The following ADAM22 variants were observed in gnomAD, a reference collection of about 807,000 sequenced individuals.
The protein encoded by ADAM22 is ADAM metallopeptidase domain 22, also known as disintegrin and metalloproteinase domain-containing protein 22.
Under a neutral mutation model 144.6 loss-of-function variants are expected in ADAM22, and 65 were observed. The ratio of observed to expected loss-of-function variants is 0.45; its 90% confidence interval spans 0.37 to 0.55. ADAM22 has a LOEUF of 0.55. Ranked by LOEUF, ADAM22 falls within the 20% of genes least tolerant of loss-of-function variation. ADAM22 has a pLI of 0.00. For synonymous variants in ADAM22, 391 were observed against 412.6 expected, an observed-to-expected ratio of 0.95 and a Z score of 0.63; for missense variants, 974 against 1,184.9, an observed-to-expected ratio of 0.82 and a Z score of 2.61.
At chr7:88,144,466 G>A (rs1347751709) in intron 15 of ADAM22, among the ~76,000 whole-genome samples, 1 of 152,050 alleles carries the variant, frequency 6.6e-6, no homozygotes, top group Non-Finnish European at 1.5e-5. Flanking sequence ...TTAGTTCGCT[G>A]CAAAACTATC....
At chr7:88,020,939 T>G (rs942689196) in intron 3 of ADAM22, among the ~76,000 whole-genome samples, 16 of 152,142 alleles carry the variant, frequency 1.1e-4, no homozygotes, top group Middle Eastern at 3.4e-3. Context: ...TTCTGGAATT[T>G]AGGGAGTGAA....
intron 14 of ADAM22, among the ~76,000 whole-genome samples, chr7:88,140,034 C>G (rs981993586): frequency 1.3e-5 from 2 of 152,102 alleles, no homozygotes; most frequent in African/African-American, 4.8e-5. Context: ...AGCTTTTACT[C>G]ATGGTAGAAG....
At chr7:87,985,925 A>C (rs1435274165) in intron 3 of ADAM22, among the ~76,000 whole-genome samples, 2 of 152,084 alleles carry the variant, frequency 1.3e-5, no homozygotes, top group Non-Finnish European at 2.9e-5. Context: ...TGGTGCTATA[A>C]CAGCTGTTTT....
chr7:87,974,567 CTG>C lies in ADAM22; in HGVS notation c.247-3766_247-3765del, dbSNP rs1193072942. On this transcript the variant is annotated intron_variant, in intron 2 of 31. Coordinates refer to ENST00000413139, the MANE Select transcript of ADAM22 (RefSeq NM_001324418.2). ...TGAAAGTGTCTTGGTTTTAGCCAAA[CTG>C]TGGAGGAAAGTGACATTGAATACTG... Among the ~76,000 whole-genome samples, 3 of 152,148 alleles carry C rather than the reference CTG, an allele frequency of 2.0e-5. No homozygotes were observed. In the East Asian group the frequency reaches 5.8e-4, roughly 29 times the overall value.
chr7:88,129,781 G>A (rs1831304344), intron 9 of ADAM22, among the ~76,000 whole-genome samples: 2 of 152,046 alleles, frequency 1.3e-5, no homozygotes, highest in Admixed American at 6.6e-5. Context: ...CTCATTGTTT[G>A]CCAGTTATTA....
intron 3 of ADAM22, among the ~76,000 whole-genome samples, chr7:88,044,398 A>C (rs566454795): frequency 1.3e-3 from 202 of 152,300 alleles, no homozygotes; most frequent in African/African-American, 4.7e-3. Flanking sequence ...TGGAATTTTC[A>C]ACTAAAAGCT....
intron 3 of ADAM22, among the ~76,000 whole-genome samples, chr7:88,034,158 G>A (rs1800949765): frequency 6.6e-6 from 1 of 152,014 alleles, no homozygotes; most frequent in Non-Finnish European, 1.5e-5. Flanking sequence ...TGCTAGTGAA[G>A]TCAGCACATC....
intron 31 of ADAM22, among the ~76,000 whole-genome samples, chr7:88,194,725 T>C (rs1441430777): frequency 1.3e-5 from 2 of 152,160 alleles, no homozygotes; most frequent in Admixed American, 6.5e-5. Context: ...AAACTTCAGC[T>C]CTCTGAGGCC....
chr7:88,137,735 T>G (rs910925807), intron 14 of ADAM22, among the ~76,000 whole-genome samples: 4 of 152,240 alleles, frequency 2.6e-5, no homozygotes, highest in Non-Finnish European at 5.9e-5. Context: ...CCTCACATCA[T>G]AATCCTTTGT....
chr7:88,036,906 T>C (rs1801645584), intron 3 of ADAM22, among the ~76,000 whole-genome samples: 2 of 152,128 alleles, frequency 1.3e-5, no homozygotes, highest in South Asian at 2.1e-4. Flanking sequence ...TGAGAATATA[T>C]ATATATTTTA....
chr7:88,189,768 A>C (rs1849188839), intron 30 of ADAM22, among the ~76,000 whole-genome samples: 1 of 152,084 alleles, frequency 6.6e-6, no homozygotes, highest in South Asian at 2.1e-4. Context: ...ACATGGTGAA[A>C]CCCCATCTCT....
Position 88,193,629 on chromosome 7 carries a change from G to A in ADAM22, c.2874+390G>A, listed in dbSNP as rs190053018. Among the ~76,000 whole-genome samples the A allele has an allele frequency of 3.3e-5, 5 of 152,316 alleles. No individual in the cohort carries two copies. In the East Asian group the frequency reaches 9.6e-4, roughly 29 times the overall value. ...AGATACAGTGGAGCTTAGAGAGGCA[G>A]ACTGGTCCTCAGAGACTTAAGTGAA... On this transcript the variant is annotated intron_variant, in intron 31 of 31. Transcript: ENST00000413139.
In ADAM22 at chr7:88,178,951, G is replaced by A. The variant is rs1355596508; in HGVS notation, c.2317G>A (p.Asp773Asn). The A allele has an allele frequency of 6.2e-7, 1 of 1,611,134 alleles. No individual in the cohort carries two copies. Among genetic ancestry groups the A allele is most frequent in the Non-Finnish European group, 8.5e-7 (1 of 1,178,648 alleles). ...ATGCCTTAGACAGTTACCCCAGGGA[G>A]ATTATGTAAAAAAGCCTGGAGATGG... is the stretch of plus-strand genomic sequence containing the variant. ...YREQRQLPQG[D>N]YVKKPGDGDS... The change falls in exon 27 of 32, where the codon GAT becomes AAT. Residue 773 changes from aspartate to asparagine, a missense_variant. Around this residue, in one of 2 missense-constraint regions of ADAM22, gnomAD observed 734 missense variants for 950.6 expected, o/e 0.77. Coordinates refer to ENST00000413139, the MANE Select transcript of ADAM22 (RefSeq NM_001324418.2).
chr7:88,138,579 A>T (rs1833656241), intron 14 of ADAM22, among the ~76,000 whole-genome samples: 1 of 152,254 alleles, frequency 6.6e-6, no homozygotes, highest in African/African-American at 2.4e-5. Flanking sequence ...AGTTCTGTAC[A>T]GCTAAATATT....
intron 4 of ADAM22, among the ~76,000 whole-genome samples, chr7:88,080,469 T>C (rs1421882262): frequency 6.6e-6 from 1 of 152,064 alleles, no homozygotes; most frequent in Non-Finnish European, 1.5e-5. Flanking sequence ...ATTCAAAAGC[T>C]AGCAGAAGGC....
At chr7:88,145,592 C>A in intron 17 of ADAM22, 85 bp downstream of exon 17, 2 of 1,076,848 alleles carry the variant, frequency 1.9e-6, no homozygotes, top group Non-Finnish European at 2.8e-6. Context: ...AATCTAATAA[C>A]AGAAATAGTA....
At chr7:88,048,184 A>G (rs1342060230) in intron 3 of ADAM22, among the ~76,000 whole-genome samples, 1 of 152,116 alleles carries the variant, frequency 6.6e-6, no homozygotes, top group Non-Finnish European at 1.5e-5. Flanking sequence ...TTTACGTTTC[A>G]TAAGTAGATC....
At chr7:88,101,784 T>C (rs375618753) in intron 4 of ADAM22, among the ~76,000 whole-genome samples, 21 of 152,240 alleles carry the variant, frequency 1.4e-4, no homozygotes, top group African/African-American at 4.6e-4. Context: ...GTGAGGAGCT[T>C]CAGAATCAGA....
At chr7:88,009,918 G>T (rs1294248430) in intron 3 of ADAM22, among the ~76,000 whole-genome samples, 1 of 152,122 alleles carries the variant, frequency 6.6e-6, no homozygotes, top group Non-Finnish European at 1.5e-5. Context: ...TAACTTTACT[G>T]TACACAATAG....
Sources: gnomAD v4.1 joint callset for allele counts (sites outside exome capture counted in the v4.1 genomes callset) on GRCh38, gnomAD v4.1.1 for gene constraint, gnomAD v4.1.1 regional missense constraint, MANE v1.5 for transcripts, NCBI Gene and HGNC (gene_info 2026-07-23, HGNC 2026-07-21) for gene names.